ETFA: variants seen among roughly 807,000 people sequenced by gnomAD.
The protein encoded by ETFA is electron transfer flavoprotein subunit alpha, mitochondrial.
In ETFA, 22 loss-of-function variants were observed where a neutral mutation model predicts 46.2. The ratio of observed to expected loss-of-function variants is 0.48; its 90% CI spans 0.34 to 0.68. ETFA has a LOEUF of 0.68. ETFA is among the 30% of genes least tolerant of loss of function. The pLI is 0.01. For synonymous variants in ETFA, 131 were observed against 139.9 expected, an observed-to-expected ratio of 0.94 and a Z score of 0.45; for missense variants, 345 against 401.1, an observed-to-expected ratio of 0.86 and a Z score of 1.19.
At chr15:76,302,818 A>C (rs1364536392) in intron 1 of ETFA, among the ~76,000 whole-genome samples, 1 of 152,154 alleles carries the variant, frequency 6.6e-6, no homozygotes. Context: ...TGTGAACCTA[A>C]AACTGCTCTA....
In ETFA at chr15:76,287,857, G is replaced by T; in HGVS notation, c.440C>A (p.Thr147Asn). 1 of 1,609,160 alleles carries T rather than the reference G, an allele frequency of 6.2e-7. No individual in the cohort carries two copies. The highest frequency in any genetic ancestry group is 1.1e-5 in the South Asian group (1 of 90,994). Residue 147 changes from threonine (T) to asparagine (N), a missense_variant, in exon 5 of 12, where the codon ACT becomes AAT. Coordinates refer to ENST00000557943, the MANE Select transcript of ETFA (RefSeq NM_000126.4). Reference sequence around the variant, plus strand: ...CCTTGAGTACTCACCTGCATAAATAGTTCTCACAAATGTGTCAGGTGACTT... The same window carrying T: ...CCTTGAGTACTCACCTGCATAAATATTTCTCACAAATGTGTCAGGTGACTT... Reference protein sequence around the residue: ...AIKSPDTFVRTIYAGNALCTV... With the variant: ...AIKSPDTFVRNIYAGNALCTV...
Position 76,231,417 on chromosome 15 carries a change from C to T in ETFA, c.817-19G>A. 1 of 1,495,446 alleles carries T rather than the reference C, an allele frequency of 6.7e-7. No individual in the cohort carries two copies. The highest frequency in any genetic ancestry group is 1.4e-5 in the African/African-American group (1 of 72,568). 92.6% of individuals were successfully genotyped at this position (1,495,446 alleles called of 1,614,324 possible). On this transcript the variant is annotated intron_variant, in intron 9 of 11. Transcript: ENST00000557943. ...AAAGTTCCTGAAATAAAAGAGGTCA[C>T]ATTATTAATATGTATTTATATTATA...
chr15:76,244,263 C>A (rs1219289238), intron 9 of ETFA, among the ~76,000 whole-genome samples: 1 of 152,112 alleles, frequency 6.6e-6, no homozygotes, highest in Non-Finnish European at 1.5e-5. Context: ...CATTTAAGCA[C>A]CTTCTAAAAT....
chr15:76,217,455 T>C (rs1344381162), intron 11 of ETFA: 1 of 326,556 alleles, frequency 3.1e-6, no homozygotes, highest in Non-Finnish European at 6.3e-6. Context: ...GAACATTCAA[T>C]ATCATCACTC....
chr15:76,266,591 A>T (rs891248551), intron 9 of ETFA, among the ~76,000 whole-genome samples: 6 of 152,176 alleles, frequency 3.9e-5, no homozygotes, highest in African/African-American at 1.4e-4. Context: ...GTTAGAACAA[A>T]GTGCTATTAA....
chr15:76,232,936 C>A lies in ETFA; in HGVS notation c.817-1538G>T, dbSNP rs940377732. On this transcript the variant is annotated intron_variant, in intron 9 of 11. Transcript: ENST00000557943. ...CTGATCTTTACAAGCATAAAGTGTC[C>A]AACTGCTCCTAGAGCAGCACCATGT... Among the ~76,000 whole-genome samples the A allele has an allele frequency of 7.9e-5, 12 of 152,310 alleles. No individual in the cohort carries two copies. The South Asian group carries it at 2.5e-3, about 32-fold the overall frequency.
At chr15:76,265,643 G>A (rs1007505163) in intron 9 of ETFA, among the ~76,000 whole-genome samples, 13 of 152,290 alleles carry the variant, frequency 8.5e-5, no homozygotes, top group Admixed American at 3.3e-4. Flanking sequence ...ATTTTACCAT[G>A]TCAAGGGCGG....
At chr15:76,287,173 C>A (rs1231076962) in intron 5 of ETFA, among the ~76,000 whole-genome samples, 2 of 152,066 alleles carry the variant, frequency 1.3e-5, no homozygotes, top group Non-Finnish European at 2.9e-5. Context: ...AATTTCTTTT[C>A]TTTTTCTTGA....
chr15:76,275,056 A>C (rs1382726496), intron 8 of ETFA, among the ~76,000 whole-genome samples: 2 of 152,110 alleles, frequency 1.3e-5, no homozygotes, highest in Non-Finnish European at 2.9e-5. Flanking sequence ...TACAACTAAC[A>C]ACCTCCAAAA....
At position 76,292,608 on chromosome 15, in the gene ETFA, G is replaced by A; in HGVS notation, c.268+11C>T. ...TTAGACACTACATTTTTTTCTACTG[G>A]AAAACCTCACCTGGAAGTAGGCCTT... On this transcript the variant is annotated intron_variant, in intron 3 of 11. Transcript: ENST00000557943. 1 of 1,610,216 alleles carries A rather than the reference G, an allele frequency of 6.2e-7. No individual in the cohort carries two copies. Among genetic ancestry groups the A allele is most frequent in the African/African-American group, 1.3e-5 (1 of 74,954 alleles).
intron 9 of ETFA, among the ~76,000 whole-genome samples, chr15:76,249,220 C>A (rs995716964): frequency 4.8e-4 from 72 of 151,416 alleles, no homozygotes; most frequent in Non-Finnish European, 7.5e-4. Context: ...CCTCCACCTC[C>A]CAGGTTCAAA....
chr15:76,286,609 A>G, intron 5 of ETFA, 128 bp from the exon 6 acceptor site: 1 of 702,368 alleles, frequency 1.4e-6, no homozygotes, highest in Non-Finnish European at 2.6e-6. Flanking sequence ...TTCTAACTCT[A>G]TTAAGTATAG....
At chr15:76,260,101 T>C in intron 9 of ETFA, 2 of 1,488,578 alleles carry the variant, frequency 1.3e-6, no homozygotes, top group South Asian at 1.1e-5. Context: ...CTGCTTCAGC[T>C]GGGCCTACCG....
chr15:76,274,707 G>C (rs2039575628), intron 8 of ETFA, among the ~76,000 whole-genome samples: 1 of 152,078 alleles, frequency 6.6e-6, no homozygotes. Flanking sequence ...CAAAATGGCA[G>C]TCATAAAATT....
intron 9 of ETFA, chr15:76,259,653 T>C (rs2039382994): frequency 3.2e-6 from 3 of 940,598 alleles, no homozygotes; most frequent in Non-Finnish European, 5.3e-6. Flanking sequence ...GGCACAGCCC[T>C]AACAATAGTA....
intron 1 of ETFA, among the ~76,000 whole-genome samples, chr15:76,309,430 G>A (rs1345505191): frequency 2.6e-5 from 4 of 152,048 alleles, no homozygotes; most frequent in Admixed American, 1.3e-4. Flanking sequence ...CAGCCTGGGC[G>A]ACAGAGCGAG....
intron 9 of ETFA, chr15:76,259,762 G>A: frequency 6.2e-7 from 1 of 1,601,622 alleles, no homozygotes; most frequent in Non-Finnish European, 8.5e-7. Flanking sequence ...CTCGGTGGAT[G>A]AAGTTCCGAG....
chr15:76,272,607 T>C (rs550557315), intron 9 of ETFA, among the ~76,000 whole-genome samples: 2 of 152,208 alleles, frequency 1.3e-5, no homozygotes, highest in South Asian at 4.1e-4. Flanking sequence ...TCTACTTATG[T>C]AAAATTGAAA....
At chr15:76,282,159 C>T (rs562701600) in intron 8 of ETFA, among the ~76,000 whole-genome samples, 7 of 152,204 alleles carry the variant, frequency 4.6e-5, no homozygotes, top group Admixed American at 3.3e-4. Context: ...CCACCCTGGC[C>T]TCCCAAAGTG....
Sources: allele counts gnomAD v4.1 joint callset (sites outside exome capture counted in the v4.1 genomes callset), GRCh38; gene constraint gnomAD v4.1.1; transcripts MANE v1.5; gene names NCBI Gene and HGNC (gene_info 2026-07-23, HGNC 2026-07-21).